SLC14A2: variants seen among roughly 807,000 people sequenced by gnomAD.
The protein encoded by SLC14A2 is urea transporter 2.
SLC14A2 carries 91 observed loss-of-function variants against 104.6 expected under a neutral mutation model. The observed-to-expected ratio is 0.87, with a 90% CI of 0.73 to 1.04. The LOEUF is 1.04. Ranked by LOEUF, SLC14A2 falls within the 50% of genes least tolerant of loss-of-function variation. SLC14A2 has a pLI of 0.00. For missense variants in SLC14A2, 1,189 were observed against 1,156.0 expected (o/e 1.03, Z -0.41); for synonymous variants, 476 against 466.4 (o/e 1.02, Z -0.27).
chr18:45,448,549 C>T (rs917098640), intron 1 of SLC14A2, among the ~76,000 whole-genome samples: 5 of 152,148 alleles, frequency 3.3e-5, no homozygotes, highest in African/African-American at 7.2e-5. Context: ...ACTGCCACTC[C>T]ACATGCAGAA....
At chr18:45,518,895 G>C (rs1229179856) in intron 2 of SLC14A2, among the ~76,000 whole-genome samples, 1 of 152,194 alleles carries the variant, frequency 6.6e-6, no homozygotes, top group African/African-American at 2.4e-5. Context: ...CAGGGAAAAC[G>C]AGATGTGTCC....
chr18:45,218,503 T>G (rs2084031222), intron 1 of SLC14A2, among the ~76,000 whole-genome samples: 1 of 152,192 alleles, frequency 6.6e-6, no homozygotes, highest in African/African-American at 2.4e-5. Context: ...CTTTATATTG[T>G]GAAATATGTG....
At chr18:45,232,246 G>A (rs1325019537) in intron 1 of SLC14A2, among the ~76,000 whole-genome samples, 1 of 152,118 alleles carries the variant, frequency 6.6e-6, no homozygotes, top group African/African-American at 2.4e-5. Flanking sequence ...TATGGTGGAA[G>A]GTAAAGGGGA....
chr18:45,492,945 C>T (rs1422452489), intron 2 of SLC14A2: 1 of 152,222 alleles, frequency 6.6e-6, no homozygotes, highest in African/African-American at 2.4e-5. Context: ...CTCTCTTTCC[C>T]TTACTGCAGG....
intron 1 of SLC14A2, among the ~76,000 whole-genome samples, chr18:45,214,909 G>A (rs2083995323): frequency 1.6e-5 from 1 of 62,536 alleles, no homozygotes; most frequent in Non-Finnish European, 2.9e-5. Flanking sequence ...ATCGGACCAT[G>A]TCTTTAAAAA....
At chr18:45,584,354 G>A (rs2044538681) in intron 2 of SLC14A2, among the ~76,000 whole-genome samples, 1 of 152,192 alleles carries the variant, frequency 6.6e-6, no homozygotes, top group Non-Finnish European at 1.5e-5. Context: ...CCATATGCCT[G>A]CTCCATCAGG....
intron 6 of SLC14A2, among the ~76,000 whole-genome samples, chr18:45,639,377 A>C (rs1157816189): frequency 6.6e-6 from 1 of 152,176 alleles, no homozygotes. Flanking sequence ...TTCCTAGAAT[A>C]TTTGTATGGA....
chr18:45,293,002 C>CA (rs200086366), intron 1 of SLC14A2, among the ~76,000 whole-genome samples: 78 of 149,774 alleles, frequency 5.2e-4, no homozygotes, highest in Admixed American at 8.6e-4. Context: ...TGCCCCCCCG[C>CA]AAAAAAAAAG....
In SLC14A2 at chr18:45,639,884, C is replaced by G; in HGVS notation, c.982C>G (p.Leu328Val). 1.2e-6 allele frequency: 2 copies of G among 1,613,200 alleles called. No homozygotes were observed. Among genetic ancestry groups the G allele is most frequent in the Non-Finnish European group, 1.7e-6 (2 of 1,179,846 alleles). Residue 328 changes from leucine (L) to valine (V), a missense_variant, in exon 7 of 20, where the codon CTG (leucine) becomes GTG (valine). Leu to Val is a conservative substitution (Grantham distance 32, BLOSUM62 1). Coordinates refer to ENST00000255226, the MANE Select transcript of SLC14A2 (RefSeq NM_007163.4). ...TGCAGCCATTGGCTCAATCGTGGGG[C>G]TGCTAGCAGGTAGGACAGAGCTCCC... ...LHAAIGSIVGLLAALSVATPF... is the reference protein window; with the variant it reads ...LHAAIGSIVGVLAALSVATPF...
At chr18:45,290,668 T>A (rs2084860333) in intron 1 of SLC14A2, among the ~76,000 whole-genome samples, 1 of 152,228 alleles carries the variant, frequency 6.6e-6, no homozygotes, top group Non-Finnish European at 1.5e-5. Flanking sequence ...AGGCTTGACG[T>A]GAGAAAGCAT....
At chr18:45,426,018 T>G (rs1890868190) in intron 1 of SLC14A2, among the ~76,000 whole-genome samples, 1 of 152,144 alleles carries the variant, frequency 6.6e-6, no homozygotes, top group South Asian at 2.1e-4. Flanking sequence ...ACATCCTTTT[T>G]GTCATTAAAA....
chr18:45,182,251 A>G, the SLC14A2 span, among the ~76,000 whole-genome samples: 1 of 152,012 alleles, frequency 6.6e-6, no homozygotes, highest in Non-Finnish European at 1.5e-5. Flanking sequence ...AAATAATCAC[A>G]ATAAATGACC....
intron 10 of SLC14A2, among the ~76,000 whole-genome samples, chr18:45,654,878 C>T (rs1317697042): frequency 2.0e-5 from 3 of 152,154 alleles, no homozygotes; most frequent in Non-Finnish European, 4.4e-5. Context: ...CTCTATGACC[C>T]ACAGCTGTGA....
chr18:45,222,593 G>T (rs1434779410), intron 1 of SLC14A2, among the ~76,000 whole-genome samples: 1 of 152,202 alleles, frequency 6.6e-6, no homozygotes. Flanking sequence ...GGAGGTCAGA[G>T]AGAATGGGGG....
chr18:45,455,042 A>G (rs1286425401), intron 1 of SLC14A2, among the ~76,000 whole-genome samples: 1 of 152,182 alleles, frequency 6.6e-6, no homozygotes, highest in Non-Finnish European at 1.5e-5. Context: ...TCTGTGAAAA[A>G]GGTCAATGGT....
the SLC14A2 span, among the ~76,000 whole-genome samples, chr18:45,168,088 C>T: frequency 6.6e-6 from 1 of 152,170 alleles, no homozygotes; most frequent in Non-Finnish European, 1.5e-5. Flanking sequence ...CTTGATGTTG[C>T]CCTGAATCTA....
intron 1 of SLC14A2, among the ~76,000 whole-genome samples, chr18:45,411,120 T>C (rs1021073869): frequency 5.9e-5 from 9 of 152,224 alleles, no homozygotes; most frequent in African/African-American, 2.2e-4. Flanking sequence ...CGAGCAATAG[T>C]TCAGAATTCA....
intron 1 of SLC14A2, among the ~76,000 whole-genome samples, chr18:45,413,232 G>A (rs1349847833): frequency 6.6e-6 from 1 of 152,108 alleles, no homozygotes; most frequent in African/African-American, 2.4e-5. Context: ...AAAGGGCATC[G>A]GGAGGTTTTC....
At chr18:45,516,482 G>A (rs183355813) in intron 2 of SLC14A2, among the ~76,000 whole-genome samples, 1 of 152,298 alleles carries the variant, frequency 6.6e-6, no homozygotes, top group East Asian at 1.9e-4. Context: ...TGCTGCCCCA[G>A]GGACGAGAGT....
Sources: gnomAD v4.1 joint callset for allele counts (sites outside exome capture counted in the v4.1 genomes callset) on GRCh38, gnomAD v4.1.1 for gene constraint, MANE v1.5 for transcripts, NCBI Gene and HGNC (gene_info 2026-07-23, HGNC 2026-07-21) for gene names.